The following DNAJB1 variants were observed in gnomAD, a reference collection of about 807,000 sequenced individuals.
The protein encoded by DNAJB1 is dnaJ homolog subfamily B member 1.
Under a neutral mutation model 24.0 loss-of-function variants are expected in DNAJB1, and 14 were observed. The ratio of observed to expected loss-of-function variants is 0.58; its 90% confidence interval spans 0.39 to 0.91. The LOEUF (loss-of-function observed/expected upper bound fraction) is 0.91, where lower values mean the gene tolerates loss of function less well. Among genes scored for constraint, DNAJB1 ranks in the 40% least tolerant of loss-of-function variants. DNAJB1 has a pLI of 0.00. For synonymous variants in DNAJB1, 262 were observed against 174.4 expected (o/e 1.50, Z -3.96); for missense variants, 517 against 458.1 (o/e 1.13, Z -1.17).
chr19:14,552,434 C>T (rs991765593), upstream of DNAJB1, among the ~76,000 whole-genome samples: 1 of 152,036 alleles, frequency 6.6e-6, no homozygotes, highest in African/African-American at 2.4e-5. Context: ...TGGACACTCA[C>T]ATGGGCACTT....
At position 14,518,363 on chromosome 19, in the gene DNAJB1, G is replaced by A. The variant is rs543051736; in HGVS notation, c.-14C>T. The A allele has an allele frequency of 5.1e-5, 79 of 1,539,952 alleles. No homozygotes were observed. The highest frequency in any genetic ancestry group is 1.3e-4 in the South Asian group (11 of 82,336). Reference sequence around the variant, plus strand: ...GTCTTTACCCATGACCCCCTCCTGCGGCCCGCCGACCCGCTGTCGCCGTCC... The same window carrying A: ...GTCTTTACCCATGACCCCCTCCTGCAGCCCGCCGACCCGCTGTCGCCGTCC... On this transcript the variant is annotated 5_prime_UTR_variant, in exon 1 of 3. Coordinates refer to ENST00000254322, the MANE Select transcript of DNAJB1 (RefSeq NM_006145.3).
Position 14,516,996 on chromosome 19 carries a change from T to C in DNAJB1, c.262A>G (p.Thr88Ala), listed in dbSNP as rs1599380145. The C allele has an allele frequency of 6.2e-7, 1 of 1,609,844 alleles. No individual in the cohort carries two copies. Among genetic ancestry groups the C allele is most frequent in the African/African-American group, 1.3e-5 (1 of 74,684 alleles). ...CCATGGAATGTGTAGCTGAAAGAGG[T>C]ACCATTGGCACCACCGCCGCTACCG... Reference protein sequence around the residue: ...SGGSGGGANGTSFSYTFHGDP... With the variant: ...SGGSGGGANGASFSYTFHGDP... Residue 88 changes from threonine to alanine, a missense_variant, in exon 2 of 3, where the codon ACC becomes GCC. Thr to Ala is a moderately conservative substitution (Grantham distance 58). Transcript: ENST00000254322.
chr19:14,534,681 C>T (rs566047685), upstream of DNAJB1, among the ~76,000 whole-genome samples: 5 of 152,258 alleles, frequency 3.3e-5, no homozygotes, highest in East Asian at 7.7e-4. Context: ...AAGCGATCCT[C>T]CTGCCTTGGC....
upstream of DNAJB1, chr19:14,529,842 C>G (rs2072552389): frequency 4.6e-6 from 6 of 1,290,658 alleles, no homozygotes; most frequent in African/African-American, 1.5e-5. Flanking sequence ...GCGCAGTGGG[C>G]AAGCGTTGCG....
intron 1 of DNAJB1, among the ~76,000 whole-genome samples, chr19:14,548,020 G>A (rs2073364718): frequency 6.7e-6 from 1 of 148,986 alleles, no homozygotes; most frequent in South Asian, 2.1e-4. Flanking sequence ...CTGGAGTGCA[G>A]TGGTGTGATC....
chr19:14,515,713 A>C lies in DNAJB1; in HGVS notation c.*227T>G. ...GCCAGACCCAGTGGGGCAGACTGGA[A>C]TGCCTTTTCCTGCTGTTCCCACCAC... On this transcript the variant is annotated 3_prime_UTR_variant, in exon 3 of 3. Transcript: ENST00000254322. The C allele has an allele frequency of 2.0e-6, 1 of 495,834 alleles. No homozygotes were observed. The highest frequency in any genetic ancestry group is 3.5e-6 in the Non-Finnish European group (1 of 283,628). 30.7% of individuals were successfully genotyped at this position (495,834 alleles called of 1,614,324 possible).
At chr19:14,560,281 G>A (rs1244327339), upstream of DNAJB1, among the ~76,000 whole-genome samples, 1 of 152,214 alleles carries the variant, frequency 6.6e-6, no homozygotes, top group Non-Finnish European at 1.5e-5. Context: ...AGAGGGGCTG[G>A]TTGTATTTTA....
chr19:14,517,080 G>A (rs1433715127), intron 1 of DNAJB1, 34 bp from the exon 2 acceptor site: 1 of 1,568,044 alleles, frequency 6.4e-7, no homozygotes, highest in South Asian at 1.2e-5. Context: ...TCAGATGGCT[G>A]AACAGCAGAC....
At chr19:14,542,095 A>G (rs1191095595) in intron 1 of DNAJB1, among the ~76,000 whole-genome samples, 6 of 151,972 alleles carry the variant, frequency 3.9e-5, no homozygotes, top group Admixed American at 2.6e-4. Context: ...TTTGATGGCA[A>G]TGAAAGTCCC....
intron 1 of DNAJB1, among the ~76,000 whole-genome samples, chr19:14,541,074 A>T (rs11085896): frequency 1.3e-5 from 2 of 151,776 alleles, no homozygotes; most frequent in Admixed American, 1.3e-4. Context: ...GATCTGCCCA[A>T]CTTGGCCTCC....
chr19:14,520,850 G>A (rs551253707), upstream of DNAJB1, among the ~76,000 whole-genome samples: 5 of 152,020 alleles, frequency 3.3e-5, no homozygotes, highest in East Asian at 1.9e-4. Context: ...AAAATTAGCC[G>A]GGTGCAATGA....
intron 1 of DNAJB1, among the ~76,000 whole-genome samples, chr19:14,555,468 CAGAG>C (rs1407231963): frequency 1.1e-5 from 1 of 93,506 alleles, no homozygotes; most frequent in African/African-American, 4.3e-5. Context: ...TTTTTTTAGA[CAGAG>C]CCTCACTCTA....
intron 1 of DNAJB1, among the ~76,000 whole-genome samples, chr19:14,544,071 G>T (rs1263778506): frequency 6.6e-6 from 1 of 152,048 alleles, no homozygotes; most frequent in Non-Finnish European, 1.5e-5. Context: ...CCCAGCCAGG[G>T]GTGGGGGATC....
At chr19:14,524,741 G>GAGGCTGAGGCA (rs2072399345) in intron 2 of DNAJB1, among the ~76,000 whole-genome samples, 1 of 151,498 alleles carries the variant, frequency 6.6e-6, no homozygotes, top group Non-Finnish European at 1.5e-5. Flanking sequence ...AGCTATTTGG[G>GAGGCTGAGGCA]AGGCTGAGGC....
chr19:14,542,044 G>C lies in DNAJB1; in HGVS notation c.-214+8164C>G, dbSNP rs150671408. The stretch of plus-strand genomic sequence containing the variant: ...GTGATCCGCCCACCTCGGCCTTCCA[G>C]AATGCTGGGATTACAGGCGTGAGCC... On this transcript the variant is annotated intron_variant, in intron 1 of 3. Transcript: ENST00000676982. 3.9e-3 allele frequency among the ~76,000 whole-genome samples: 586 copies of C among 152,120 alleles called. 6 individuals carry two copies. Among genetic ancestry groups the C allele is most frequent in the African/African-American group, 0.013 (530 of 41,494 alleles).
At chr19:14,537,598 C>A (rs1040021928) in intron 1 of DNAJB1, among the ~76,000 whole-genome samples, 1 of 152,130 alleles carries the variant, frequency 6.6e-6, no homozygotes, top group African/African-American at 2.4e-5. Context: ...GCTAGTTGGT[C>A]AAGTTCAGGC....
intron 1 of DNAJB1, among the ~76,000 whole-genome samples, chr19:14,543,388 AATATATATATATATATAT>A (rs777992038): frequency 1.3e-4 from 5 of 37,716 alleles, no homozygotes; most frequent in East Asian, 8.5e-4. Context: ...TGTTTCAGAG[AATATATATATATATATAT>A]ATATATATAT....
At chr19:14,543,403 ATATATATATATATATATTTTTTTTTTTTT>A (rs2073172569) in intron 1 of DNAJB1, among the ~76,000 whole-genome samples, 8 of 9,792 alleles carry the variant, frequency 8.2e-4, no homozygotes, top group African/African-American at 1.3e-3. Flanking sequence ...ATATATATAT[ATATATATATATATATATTTTTTTTTTTTT>A]TTTTTTTTTT....
chr19:14,557,543 C>A (rs2073772922), intron 1 of DNAJB1, among the ~76,000 whole-genome samples: 1 of 149,976 alleles, frequency 6.7e-6, no homozygotes, highest in Non-Finnish European at 1.5e-5. Flanking sequence ...CCTCCTCCTC[C>A]TGGGTTCAAG....
Sources: allele counts gnomAD v4.1 joint callset (sites outside exome capture counted in the v4.1 genomes callset), GRCh38; gene constraint gnomAD v4.1.1; transcripts MANE v1.5; gene names NCBI Gene and HGNC (gene_info 2026-07-23, HGNC 2026-07-21).